The following CFTR variants were observed in gnomAD, a reference collection of about 807,000 sequenced individuals.
CFTR encodes the protein CF transmembrane conductance regulator, also known as cystic fibrosis transmembrane conductance regulator.
Under a neutral mutation model 171.6 loss-of-function variants are expected in CFTR, and 181 were observed. That is an observed-to-expected ratio of 1.05 (90% CI 0.93 to 1.19). The LOEUF is 1.19. CFTR is among the 50% of genes most tolerant of loss of function. The pLI is 0.00. For synonymous variants in CFTR, 583 were observed against 608.0 expected (o/e 0.96, Z 0.60); for missense variants, 1,968 against 1,734.7 (o/e 1.13, Z -2.39).
chr7:117,657,566 G>T (rs1169568861), intron 24 of CFTR, among the ~76,000 whole-genome samples: 1 of 152,188 alleles, frequency 6.6e-6, no homozygotes, highest in Non-Finnish European at 1.5e-5. Flanking sequence ...TAATACAGCT[G>T]ATAATACAAT....
intron 9 of CFTR, among the ~76,000 whole-genome samples, chr7:117,548,319 T>C (rs1799196406): frequency 6.9e-6 from 1 of 145,742 alleles, no homozygotes; most frequent in Admixed American, 6.9e-5. Context: ...TGTACCCCGC[T>C]TATAGGAGAA....
intron 11 of CFTR, among the ~76,000 whole-genome samples, chr7:117,574,293 G>A (rs1791740550): frequency 6.6e-6 from 1 of 151,880 alleles, no homozygotes; most frequent in African/African-American, 2.4e-5. Flanking sequence ...ATTAATAGCA[G>A]GATATTGGTA....
intron 23 of CFTR, among the ~76,000 whole-genome samples, chr7:117,648,172 C>T (rs1255980494): frequency 6.6e-6 from 1 of 151,446 alleles, no homozygotes; most frequent in African/African-American, 2.4e-5. Context: ...CACACACACA[C>T]ACAAATATAT....
At chr7:117,559,253 T>A (rs1799412892) in intron 10 of CFTR, among the ~76,000 whole-genome samples, 1 of 152,224 alleles carries the variant, frequency 6.6e-6, no homozygotes. Flanking sequence ...CTTGTCACAC[T>A]GTATTGTAAT....
chr7:117,587,605 A>G, intron 11 of CFTR, 134 bp from the exon 12 acceptor site: 1 of 610,422 alleles, frequency 1.6e-6, no homozygotes, highest in South Asian at 2.1e-5. Flanking sequence ...AATAATGGAG[A>G]TGCAATGTTC....
chr7:117,535,154 G>A, intron 5 of CFTR, 94 bp from the exon 6 acceptor site: 1 of 1,327,618 alleles, frequency 7.5e-7, no homozygotes, highest in East Asian at 2.3e-5. Context: ...GATCATATAA[G>A]CTCCTTTTAC....
intron 21 of CFTR, among the ~76,000 whole-genome samples, chr7:117,622,866 G>C (rs1024212608): frequency 1.3e-5 from 2 of 152,078 alleles, no homozygotes; most frequent in African/African-American, 2.4e-5. Flanking sequence ...TGGCTTAAAT[G>C]CATCCCTTAT....
intron 11 of CFTR, among the ~76,000 whole-genome samples, chr7:117,573,749 C>T (rs1035809280): frequency 2.6e-5 from 4 of 152,016 alleles, no homozygotes; most frequent in African/African-American, 9.7e-5. Context: ...AGGGCCCTTT[C>T]AACAATAAAA....
chr7:117,480,220 T>A, intron 1 of CFTR, 73 bp downstream of exon 1: 1 of 1,419,762 alleles, frequency 7.0e-7, no homozygotes, highest in Non-Finnish European at 1.0e-6. Flanking sequence ...ATGGGTTGGG[T>A]TTGGGGTAAA....
chr7:117,548,760 T>G lies in CFTR; in HGVS notation c.1329T>G (p.Asp443Glu), dbSNP rs148056476. 1 of 1,613,076 alleles carries G rather than the reference T, an allele frequency of 6.2e-7. No homozygotes were observed. The highest frequency in any genetic ancestry group is 8.5e-7 in the Non-Finnish European group (1 of 1,179,414). Residue 443 changes from aspartate (D) to glutamate (E), a missense_variant, in exon 10 of 27, where the codon GAT (aspartate) becomes GAG (glutamate). Asp to Glu is a conservative substitution (Grantham distance 45, BLOSUM62 2). Transcript: ENST00000003084. The part of the protein sequence containing the change: ...FSLLGTPVLK[D>E]INFKIERGQL... ...TTCTTGGTACTCCTGTCCTGAAAGA[T>G]ATTAATTTCAAGATAGAAAGAGGAC... is the stretch of plus-strand genomic sequence containing the variant.
At chr7:117,625,942 T>C (rs1445844058) in intron 21 of CFTR, among the ~76,000 whole-genome samples, 1 of 152,162 alleles carries the variant, frequency 6.6e-6, no homozygotes, top group African/African-American at 2.4e-5. Flanking sequence ...ATTCAGAATT[T>C]AAAATATTAC....
intron 13 of CFTR, 94 bp downstream of exon 13, chr7:117,590,533 A>T: frequency 1.4e-6 from 2 of 1,434,760 alleles, no homozygotes; most frequent in Non-Finnish European, 1.9e-6. Context: ...CTCTTGAGAA[A>T]TATGTTCACC....
chr7:117,510,646 ATAAT>A (rs1798502791), intron 3 of CFTR, among the ~76,000 whole-genome samples: 1 of 152,158 alleles, frequency 6.6e-6, no homozygotes, highest in African/African-American at 2.4e-5. Context: ...GGCTTGTAAA[ATAAT>A]TTATTTCTCT....
intron 11 of CFTR, among the ~76,000 whole-genome samples, chr7:117,582,853 G>A (rs1791868677): frequency 6.6e-6 from 1 of 152,126 alleles, no homozygotes; most frequent in Non-Finnish European, 1.5e-5. Flanking sequence ...AAGACTAAAA[G>A]GAGGGCTGTT....
chr7:117,644,060 C>CTT (rs138525231), intron 23 of CFTR, among the ~76,000 whole-genome samples: 3 of 148,266 alleles, frequency 2.0e-5, no homozygotes, highest in African/African-American at 7.4e-5. Flanking sequence ...CCAAGTTTGT[C>CTT]TTTTTTTTTT....
At chr7:117,525,577 G>A (rs536218633) in intron 3 of CFTR, among the ~76,000 whole-genome samples, 2 of 83,726 alleles carry the variant, frequency 2.4e-5, no homozygotes, top group East Asian at 5.9e-4. Context: ...TGTATTGGGT[G>A]CATAAATATT....
intron 11 of CFTR, among the ~76,000 whole-genome samples, chr7:117,581,846 G>T (rs1791854171): frequency 6.6e-6 from 1 of 152,056 alleles, no homozygotes; most frequent in Non-Finnish European, 1.5e-5. Context: ...GACCTCCTGG[G>T]CTCAAGCGAT....
At chr7:117,622,757 G>A (rs1308504541) in intron 21 of CFTR, among the ~76,000 whole-genome samples, 2 of 152,102 alleles carry the variant, frequency 1.3e-5, no homozygotes, top group African/African-American at 2.4e-5. Flanking sequence ...TGAGGGAGAG[G>A]AGTCTGGCTT....
At chr7:117,491,801 G>A (rs1260088772) in intron 1 of CFTR, among the ~76,000 whole-genome samples, 3 of 151,962 alleles carry the variant, frequency 2.0e-5, no homozygotes, top group Non-Finnish European at 4.4e-5. Context: ...TAGGTACCGG[G>A]GGTTAGGACT....
Sources: gnomAD v4.1 joint callset for allele counts (sites outside exome capture counted in the v4.1 genomes callset) on GRCh38, gnomAD v4.1.1 for gene constraint, MANE v1.5 for transcripts, NCBI Gene and HGNC (gene_info 2026-07-23, HGNC 2026-07-21) for gene names.